MEGF11: variants seen among roughly 807,000 people sequenced by gnomAD.
The protein encoded by MEGF11 is multiple epidermal growth factor-like domains protein 11.
MEGF11 carries 126 observed loss-of-function variants against 146.6 expected under a neutral mutation model. The observed-to-expected ratio is 0.86, with a 90% CI of 0.74 to 1.00. The LOEUF is 1.00. MEGF11 is among the 50% of genes least tolerant of loss of function. MEGF11 has a pLI of 0.00. For synonymous variants in MEGF11, 532 were observed against 583.4 expected (o/e 0.91, Z 1.27); for missense variants, 1,509 against 1,521.2 (o/e 0.99, Z 0.13).
chr15:66,034,767 C>A (rs1464749216), intron 5 of MEGF11, among the ~76,000 whole-genome samples: 1 of 152,132 alleles, frequency 6.6e-6, no homozygotes, highest in Non-Finnish European at 1.5e-5. Flanking sequence ...GTGTTGGAAA[C>A]AATCCCTCTG....
intron 5 of MEGF11, among the ~76,000 whole-genome samples, chr15:65,983,889 A>T (rs927097599): frequency 6.6e-6 from 1 of 152,236 alleles, no homozygotes; most frequent in Non-Finnish European, 1.5e-5. Context: ...ACAAGGTTCC[A>T]GTGTGGCCAG....
At chr15:65,968,663 G>A (rs924826238) in intron 8 of MEGF11, among the ~76,000 whole-genome samples, 1 of 152,004 alleles carries the variant, frequency 6.6e-6, no homozygotes. Context: ...CTAATAATGG[G>A]GCCTGCGGAA....
chr15:65,979,396 C>A (rs916680635), intron 7 of MEGF11, among the ~76,000 whole-genome samples: 1 of 152,196 alleles, frequency 6.6e-6, no homozygotes, highest in African/African-American at 2.4e-5. Flanking sequence ...CATCGATGGG[C>A]CCTGCAGGTG....
At chr15:66,170,252 T>G (rs28523504) in intron 1 of MEGF11, among the ~76,000 whole-genome samples, 3,014 of 152,310 alleles carry the variant, frequency 0.02, 73 homozygotes, top group African/African-American at 0.059. Context: ...GCCTCCTTCC[T>G]GACACCGCTC....
chr15:66,132,186 C>T (rs2088674114), intron 1 of MEGF11, among the ~76,000 whole-genome samples: 2 of 152,218 alleles, frequency 1.3e-5, no homozygotes, highest in South Asian at 4.1e-4. Context: ...TGCCTAGGAC[C>T]CTGCCATCAT....
At chr15:66,238,816 C>T (rs2092150445) in intron 1 of MEGF11, among the ~76,000 whole-genome samples, 1 of 150,408 alleles carries the variant, frequency 6.6e-6, no homozygotes, top group African/African-American at 2.5e-5. Context: ...CCACCCATCA[C>T]TGCCTCTTCA....
At chr15:65,915,840 T>TG (rs2078979750) in intron 18 of MEGF11, among the ~76,000 whole-genome samples, 1 of 152,016 alleles carries the variant, frequency 6.6e-6, no homozygotes, top group East Asian at 1.9e-4. Context: ...ATCTTCCACC[T>TG]GCCATGCCCT....
intron 5 of MEGF11, among the ~76,000 whole-genome samples, chr15:66,051,847 G>A (rs1417893293): frequency 6.6e-6 from 1 of 152,216 alleles, no homozygotes; most frequent in African/African-American, 2.4e-5. Flanking sequence ...GAGAAAGCGA[G>A]TGCTGTGCAG....
At chr15:66,016,546 G>A (rs1359120852) in intron 5 of MEGF11, among the ~76,000 whole-genome samples, 2 of 135,238 alleles carry the variant, frequency 1.5e-5, no homozygotes, top group African/African-American at 2.8e-5. Context: ...TCTTAGCAAC[G>A]CCCTTGACAA....
intron 5 of MEGF11, among the ~76,000 whole-genome samples, chr15:66,057,381 A>G (rs1263950046): frequency 2.0e-5 from 3 of 152,084 alleles, no homozygotes; most frequent in Non-Finnish European, 4.4e-5. Flanking sequence ...CTTTTGTAGT[A>G]ATTGATTTTG....
intron 4 of MEGF11, among the ~76,000 whole-genome samples, chr15:66,107,685 C>A (rs1360376657): frequency 6.6e-6 from 1 of 152,144 alleles, no homozygotes; most frequent in Non-Finnish European, 1.5e-5. Context: ...GAGGAGCAGC[C>A]CTCAGACCAG....
intron 5 of MEGF11, among the ~76,000 whole-genome samples, chr15:66,006,123 A>T (rs2141860260): frequency 6.6e-6 from 1 of 152,210 alleles, no homozygotes; most frequent in East Asian, 1.9e-4. Flanking sequence ...TAGAGAGATA[A>T]ATGGGATAAA....
chr15:66,073,416 T>C (rs1345462390), intron 5 of MEGF11, among the ~76,000 whole-genome samples: 1 of 152,208 alleles, frequency 6.6e-6, no homozygotes, highest in East Asian at 1.9e-4. Flanking sequence ...GCTCCTGTGA[T>C]GAATTAGACC....
At chr15:66,167,514 G>A (rs926828505) in intron 1 of MEGF11, among the ~76,000 whole-genome samples, 14 of 152,054 alleles carry the variant, frequency 9.2e-5, no homozygotes, top group African/African-American at 3.4e-4. Context: ...GCATGGTGGC[G>A]CCGGCCTGTA....
chr15:66,142,577 G>A (rs939736332), intron 1 of MEGF11, among the ~76,000 whole-genome samples: 2 of 152,206 alleles, frequency 1.3e-5, no homozygotes, highest in Admixed American at 6.5e-5. Flanking sequence ...CGGCACGACC[G>A]CCAGCCTGGC....
chr15:66,019,812 C>A (rs570751421), intron 5 of MEGF11, among the ~76,000 whole-genome samples: 1 of 152,332 alleles, frequency 6.6e-6, no homozygotes, highest in East Asian at 1.9e-4. Context: ...ATCACTTATG[C>A]CATCCTTCCC....
At chr15:66,030,836 G>A (rs1230126248) in intron 5 of MEGF11, among the ~76,000 whole-genome samples, 3 of 152,206 alleles carry the variant, frequency 2.0e-5, no homozygotes, top group Non-Finnish European at 4.4e-5. Flanking sequence ...CTTCAGCAAG[G>A]AACATCCATT....
chr15:66,215,339 C>T (rs1326873968), intron 1 of MEGF11, among the ~76,000 whole-genome samples: 1 of 152,126 alleles, frequency 6.6e-6, no homozygotes, highest in East Asian at 1.9e-4. Context: ...GGAAATGCCC[C>T]CAGAGGGACC....
In MEGF11 at chr15:65,981,847, G is replaced by A. The variant is rs139473368; in HGVS notation, c.641+395C>T. ...AATGCCCTAGAAGGGAAGGCCCCAGGTGAGCAGCATCATTTGGGTAAGGTC... is the reference window on the plus strand; with the variant it reads ...AATGCCCTAGAAGGGAAGGCCCCAGATGAGCAGCATCATTTGGGTAAGGTC... On this transcript the variant is annotated intron_variant, in intron 6 of 25. Coordinates refer to ENST00000395614, the MANE Select transcript of MEGF11 (RefSeq NM_001385028.1). 5.9e-5 allele frequency among the ~76,000 whole-genome samples: 9 copies of A among 152,260 alleles called. No individual in the cohort carries two copies. The South Asian group carries it at 1.5e-3, about 25-fold the overall frequency.
Sources: allele counts gnomAD v4.1 joint callset (sites outside exome capture counted in the v4.1 genomes callset), GRCh38; gene constraint gnomAD v4.1.1; transcripts MANE v1.5; gene names NCBI Gene and HGNC (gene_info 2026-07-23, HGNC 2026-07-21).